Variants in ZMIZ1 observed in about 807,000 individuals in gnomAD.
ZMIZ1 encodes zinc finger MIZ-type containing 1, also known as zinc finger MIZ domain-containing protein 1.
In ZMIZ1, 17 loss-of-function variants were observed where a neutral mutation model predicts 113.9. The ratio of observed to expected loss-of-function variants is 0.15; its 90% CI spans 0.10 to 0.22. The LOEUF is 0.22. Among genes scored for constraint, ZMIZ1 ranks in the 10% least tolerant of loss-of-function variants. ZMIZ1 has a pLI of 1.00. For missense variants in ZMIZ1, 1,059 were observed against 1,477.8 expected (o/e 0.72, Z 4.65); for synonymous variants, 607 against 603.1 (o/e 1.01, Z -0.09).
intron 24 of ZMIZ1, 135 bp from the exon 25 acceptor site, chr10:79,312,507 T>G: frequency 2.3e-6 from 2 of 875,352 alleles, no homozygotes; most frequent in Non-Finnish European, 3.7e-6. Context: ...CCCAAGGCTG[T>G]TCTCTACCCC....
At chr10:79,242,227 A>T (rs1290600547) in intron 7 of ZMIZ1, among the ~76,000 whole-genome samples, 1 of 152,070 alleles carries the variant, frequency 6.6e-6, no homozygotes, top group Non-Finnish European at 1.5e-5. Flanking sequence ...ACTGGCTGGA[A>T]GGAAGAGGCC....
chr10:79,162,469 G>T (rs1846152159), intron 4 of ZMIZ1, among the ~76,000 whole-genome samples: 2 of 152,214 alleles, frequency 1.3e-5, no homozygotes, highest in Admixed American at 6.5e-5. Flanking sequence ...AGTATGGGCA[G>T]CCCCACCAAA....
At chr10:79,240,980 G>A (rs1294024678) in intron 7 of ZMIZ1, among the ~76,000 whole-genome samples, 1 of 152,132 alleles carries the variant, frequency 6.6e-6, no homozygotes, top group Non-Finnish European at 1.5e-5. Context: ...AATGAATTTG[G>A]AAGTCCCAAA....
intron 4 of ZMIZ1, 110 bp from the exon 5 acceptor site, chr10:79,201,474 G>T (rs909247238): frequency 3.7e-6 from 3 of 810,538 alleles, no homozygotes; most frequent in Non-Finnish European, 6.1e-6. Context: ...ACAGGGCCCA[G>T]CAAAGGACTC....
intron 7 of ZMIZ1, among the ~76,000 whole-genome samples, chr10:79,247,626 C>G (rs757353047): frequency 1.6e-4 from 24 of 152,318 alleles, no homozygotes; most frequent in Non-Finnish European, 2.6e-4. Flanking sequence ...GCTCCCACCC[C>G]CCGTAGGGTG....
At chr10:79,145,692 C>T (rs1211217778) in intron 3 of ZMIZ1, among the ~76,000 whole-genome samples, 4 of 152,118 alleles carry the variant, frequency 2.6e-5, no homozygotes, top group Admixed American at 2.0e-4. Context: ...AGGGCTTTAG[C>T]GGAGGGAGGG....
chr10:79,076,896 C>A (rs1842493604), intron 1 of ZMIZ1, among the ~76,000 whole-genome samples: 1 of 152,148 alleles, frequency 6.6e-6, no homozygotes, highest in South Asian at 2.1e-4. Flanking sequence ...GGTTTCTCAT[C>A]TGCCGGGACC....
rs374231761 is a variant in ZMIZ1, at chr10:79,202,853, G to A, written c.60+1161G>A. On this transcript the variant is annotated intron_variant, in intron 5 of 24. Transcript: ENST00000334512. The stretch of plus-strand genomic sequence containing the variant: ...ATGGGCTTTGGTGTCAGACGCCTTG[G>A]ACCCAAGTGCTCATTCCTTTATGGA... 8.5e-5 allele frequency among the ~76,000 whole-genome samples: 13 copies of A among 152,376 alleles called. No individual in the cohort carries two copies. In the South Asian group the frequency reaches 1.0e-3, roughly 12 times the overall value.
intron 4 of ZMIZ1, among the ~76,000 whole-genome samples, chr10:79,190,245 G>T (rs111795697): frequency 1.3e-5 from 2 of 152,232 alleles, no homozygotes; most frequent in Non-Finnish European, 2.9e-5. Flanking sequence ...TGAGCTGTCT[G>T]TGGGCTGACC....
intron 1 of ZMIZ1, among the ~76,000 whole-genome samples, chr10:79,096,306 C>G (rs1278238639): frequency 6.6e-6 from 1 of 152,110 alleles, no homozygotes; most frequent in Non-Finnish European, 1.5e-5. Flanking sequence ...GTCAGGAGAT[C>G]GAGACCATCC....
chr10:79,302,344 C>A (rs1280402369), intron 18 of ZMIZ1, 132 bp downstream of exon 18: 1 of 870,898 alleles, frequency 1.1e-6, no homozygotes, highest in African/African-American at 1.6e-5. Context: ...TGGAGTGTCC[C>A]TGAGCGCGCC....
chr10:79,239,267 A>G (rs2132819859), intron 7 of ZMIZ1, among the ~76,000 whole-genome samples: 1 of 152,260 alleles, frequency 6.6e-6, no homozygotes, highest in South Asian at 2.1e-4. Context: ...TGGCTGTGTG[A>G]TAGCTGCTCC....
At chr10:79,097,157 C>T (rs769731418) in intron 1 of ZMIZ1, among the ~76,000 whole-genome samples, 1 of 152,198 alleles carries the variant, frequency 6.6e-6, no homozygotes, top group Non-Finnish European at 1.5e-5. Context: ...CAGGTGTGGA[C>T]ATGCCTGTAT....
intron 1 of ZMIZ1, among the ~76,000 whole-genome samples, chr10:79,107,340 G>T (rs898181253): frequency 7.9e-5 from 12 of 152,242 alleles, no homozygotes; most frequent in African/African-American, 2.4e-4. Context: ...GTGACTTTTG[G>T]TGAGTTCCTT....
intron 2 of ZMIZ1, among the ~76,000 whole-genome samples, chr10:79,119,902 C>T (rs964167978): frequency 6.6e-6 from 1 of 152,184 alleles, no homozygotes; most frequent in Non-Finnish European, 1.5e-5. Flanking sequence ...TTGTATTAAA[C>T]ACTTACTGTG....
chr10:79,223,052 C>A (rs537947817), intron 7 of ZMIZ1, among the ~76,000 whole-genome samples: 385 of 152,278 alleles, frequency 2.5e-3, no homozygotes, highest in Non-Finnish European at 4.5e-3. Flanking sequence ...GGCTTGACTC[C>A]GATCTCCCCC....
chr10:79,273,720 G>C (rs929838156), intron 7 of ZMIZ1, among the ~76,000 whole-genome samples: 7 of 152,340 alleles, frequency 4.6e-5, no homozygotes, highest in Non-Finnish European at 1.0e-4. Context: ...ATTGGAAGGG[G>C]CCCAAAAAGT....
chr10:79,223,758 C>T (rs1849088430), intron 7 of ZMIZ1, among the ~76,000 whole-genome samples: 1 of 152,228 alleles, frequency 6.6e-6, no homozygotes, highest in African/African-American at 2.4e-5. Context: ...AGGGAACCAC[C>T]TCCCTCTGAA....
chr10:79,073,066 C>T (rs969252209), intron 1 of ZMIZ1, among the ~76,000 whole-genome samples: 1 of 152,158 alleles, frequency 6.6e-6, no homozygotes, highest in Admixed American at 6.5e-5. Flanking sequence ...GAGGCTAGAC[C>T]CCATCATGAT....
Sources: gnomAD v4.1 joint callset for allele counts (sites outside exome capture counted in the v4.1 genomes callset) on GRCh38, gnomAD v4.1.1 for gene constraint, MANE v1.5 for transcripts, NCBI Gene and HGNC (gene_info 2026-07-23, HGNC 2026-07-21) for gene names.